The following MEN1 variants were observed in gnomAD, a reference collection of about 807,000 sequenced individuals.
MEN1 encodes menin 1, also known as menin.
A neutral mutation model predicts 58.0 loss-of-function variants in MEN1; 6 were observed. The observed-to-expected ratio is 0.10, with a 90% CI of 0.06 to 0.20. The LOEUF is 0.20. MEN1 is among the 10% of genes least tolerant of loss of function. The pLI, the probability that MEN1 is intolerant of heterozygous loss-of-function variation, is 1.00. For synonymous variants in MEN1, 346 were observed against 350.7 expected (o/e 0.99, Z 0.15); for missense variants, 492 against 818.5 (o/e 0.60, Z 4.87).
At position 64,810,151 on chromosome 11, in the gene MEN1, G is replaced by GT; in HGVS notation, c.-23-20_-23-19insA. On this transcript the variant is annotated intron_variant, in intron 1 of 9. Transcript: ENST00000450708. ...CGGCGGCCTGCAAGGCAAGCCGGGG[G>GT]AGGGAGGGTCGGGCAGGTTCGGCCG... 1 of 1,063,806 alleles carries GT rather than the reference G, an allele frequency of 9.4e-7. No homozygotes were observed. The highest frequency in any genetic ancestry group is 1.4e-6 in the Non-Finnish European group (1 of 737,132). 65.9% of individuals were successfully genotyped at this position (1,063,806 alleles called of 1,614,324 possible).
rs778299878 is a variant in MEN1, at chr11:64,809,690, G to A, written c.420C>T (p.Ile140=). 2 of 1,614,184 alleles carry A rather than the reference G, an allele frequency of 1.2e-6. No homozygotes were observed. Among genetic ancestry groups the A allele is most frequent in the Non-Finnish European group, 8.5e-7 (1 of 1,180,014 alleles). ...SRSYFKDRAH[I]QSLFSFITGT... ...CTGTGATGAAGCTGAAGAGGGACTG[G>A]ATGTGGGCCCGATCCTTGAAGTAGG... Residue 140 remains isoleucine, a synonymous_variant, in exon 2 of 10, where the codon ATC becomes ATT. Transcript: ENST00000450708.
chr11:64,810,582 C>G (rs1476544790), upstream of MEN1: 1 of 160,910 alleles, frequency 6.2e-6, no homozygotes, highest in East Asian at 1.7e-4. Context: ...ACATGAAGTC[C>G]CGCCCCTAGG....
intron 1 of MEN1, 165 bp from the exon 2 acceptor site, chr11:64,810,297 C>T (rs1942045318): frequency 8.2e-6 from 5 of 607,590 alleles, no homozygotes; most frequent in Non-Finnish European, 1.5e-5. Flanking sequence ...GGTGAGACCC[C>T]TCAGCCGAGA....
In MEN1 at chr11:64,804,297, C is replaced by A; in HGVS notation, c.*37G>T. 6.2e-7 allele frequency: 1 copy of A among 1,613,934 alleles called. No individual in the cohort carries two copies. The highest frequency in any genetic ancestry group is 8.5e-7 in the Non-Finnish European group (1 of 1,179,972). Reference sequence around the variant, plus strand: ...CAGAGTTGGGGGACTAAGGGCGGAGCCTGGGTCCCCACAAGCGGTCCGAAG... The same window carrying A: ...CAGAGTTGGGGGACTAAGGGCGGAGACTGGGTCCCCACAAGCGGTCCGAAG... On this transcript the variant is annotated 3_prime_UTR_variant, in exon 10 of 10. Coordinates refer to ENST00000450708, the MANE Select transcript of MEN1 (RefSeq NM_001370259.2). This position sits in a 1 kb window ranked among gnomAD's most constrained non-coding sequence, Gnocchi z 4.2.
chr11:64,810,753 C>G (rs1448522115), upstream of MEN1: 1 of 152,312 alleles, frequency 6.6e-6, no homozygotes, highest in African/African-American at 2.4e-5. Context: ...CCCTTCCCTT[C>G]AGGCCGACCA....
rs28931612 is a variant in MEN1 at position 64,810,034 on chromosome 11, C to A, written c.76G>T (p.Glu26Ter). The part of the protein sequence containing the change: ...IDDVVRLFAA[E>*]LGREEPDLVL... ...AGGTCCGGCTCCTCTCGGCCCAGCT[C>A]GGCAGCAAACAGGCGCACCACGTCG... The change falls in exon 2 of 10, where the codon GAG (glutamate) becomes TAG (stop). Residue 26 changes from glutamate (E) to a stop codon, truncating the protein, a stop_gained. Coordinates refer to ENST00000450708, the MANE Select transcript of MEN1 (RefSeq NM_001370259.2). LOFTEE classifies it high-confidence loss of function. The A allele has an allele frequency of 6.2e-7, 1 of 1,609,462 alleles. No individual in the cohort carries two copies. The highest frequency in any genetic ancestry group is 8.5e-7 in the Non-Finnish European group (1 of 1,178,106).
At chr11:64,806,931 C>A in intron 6 of MEN1, 80 bp downstream of exon 6, 1 of 1,285,786 alleles carries the variant, frequency 7.8e-7, no homozygotes. Flanking sequence ...ACAAAGTTCT[C>A]TTCTCATCTG....
chr11:64,807,585 G>A lies in MEN1; in HGVS notation c.750C>T (p.His250=). 1 of 1,614,194 alleles carries A rather than the reference G, an allele frequency of 6.2e-7. No individual in the cohort carries two copies. Among genetic ancestry groups the A allele is most frequent in the Non-Finnish European group, 8.5e-7 (1 of 1,180,032 alleles). ...GCTGCAGAAGCTCCAGCGAGTCGGT[G>A]TGCAGGTCAATGGAAGGGTTGATGG... is the stretch of plus-strand genomic sequence containing the variant. ...VCAINPSIDL[H]TDSLELLQLQ... Residue 250 remains histidine, a synonymous_variant, in exon 4 of 10, where the codon CAC becomes CAT. Transcript: ENST00000450708. This position sits in a 1 kb window ranked among gnomAD's most constrained non-coding sequence, Gnocchi z 4.9.
Position 64,804,824 on chromosome 11 carries a change from A to G in MEN1, c.1351-8T>C, listed in dbSNP as rs751932519. The G allele has an allele frequency of 1.9e-6, 3 of 1,596,366 alleles. No homozygotes were observed. The East Asian group carries it at 6.7e-5, about 36-fold the overall frequency. ...GCGCACCTTCTGCCGCACCTGGGCC[A>G]GTGGGGAGAGCAAGGTGAGAGCAAG... On this transcript the variant is annotated splice_polypyrimidine_tract_variant and splice_region_variant and intron_variant, in intron 9 of 9. Coordinates refer to ENST00000450708, the MANE Select transcript of MEN1 (RefSeq NM_001370259.2). This position sits in a 1 kb window ranked among gnomAD's most constrained non-coding sequence, Gnocchi z 4.2.
In MEN1 at chr11:64,807,135, C is replaced by T. The variant is rs2136131326; in HGVS notation, c.825-37G>A. The T allele has an allele frequency of 6.2e-7, 1 of 1,614,026 alleles. No individual in the cohort carries two copies. The highest frequency in any genetic ancestry group is 8.5e-7 in the Non-Finnish European group (1 of 1,179,908). On this transcript the variant is annotated intron_variant, in intron 5 of 9. Coordinates refer to ENST00000450708, the MANE Select transcript of MEN1 (RefSeq NM_001370259.2). The surrounding 1 kb of genome is among the most constrained non-coding windows in gnomAD (Gnocchi z 4.9). ...TCATAATTCAGGCTGCCACCCAGCC[C>T]CCCGGCCTCACCAGGCGCAGCCTGG...
At chr11:64,806,538 C>T (rs549105049) in intron 6 of MEN1, among the ~76,000 whole-genome samples, 170 bp from the exon 7 acceptor site, 2 of 152,186 alleles carry the variant, frequency 1.3e-5, no homozygotes, top group Non-Finnish European at 2.9e-5. Flanking sequence ...TGGTCTCCTC[C>T]CTGGGTCTAC....
At chr11:64,805,960 TG>T (rs934230666) in intron 7 of MEN1, 190 bp from the exon 8 acceptor site, 6 of 677,060 alleles carry the variant, frequency 8.9e-6, no homozygotes, top group Non-Finnish European at 1.5e-5. Context: ...GGGCCGAGGG[TG>T]GAAGTCCCAC....
At chr11:64,810,164 G>GGGGGGGC in intron 1 of MEN1, 32 bp from the exon 2 acceptor site, 1 of 727,302 alleles carries the variant, frequency 1.4e-6, no homozygotes, top group Non-Finnish European at 2.2e-6. Flanking sequence ...GGAGGGTCGG[G>GGGGGGGC]CAGGTTCGGC....
intron 1 of MEN1, 32 bp from the exon 2 acceptor site, chr11:64,810,164 G>GGGC: frequency 1.1e-5 from 8 of 727,294 alleles, no homozygotes; most frequent in Non-Finnish European, 1.1e-5. Flanking sequence ...GGAGGGTCGG[G>GGGC]CAGGTTCGGC....
At position 64,804,903 on chromosome 11, in the gene MEN1, C is replaced by G. The variant is rs954426009; in HGVS notation, c.1351-87G>C. On this transcript the variant is annotated intron_variant, in intron 9 of 9. Transcript: ENST00000450708. This position sits in a 1 kb window ranked among gnomAD's most constrained non-coding sequence, Gnocchi z 4.2. ...ACCCTGCTCTGGCCATCCCATCCCA[C>G]CCAGGGGGTCTCAGTCCCATCGGCA... 2 of 1,596,500 alleles carry G rather than the reference C, an allele frequency of 1.3e-6. No individual in the cohort carries two copies. The highest frequency in any genetic ancestry group is 2.7e-5 in the African/African-American group (2 of 74,894).
Position 64,804,931 on chromosome 11 carries a change from C to A in MEN1, c.1350+103G>T. The stretch of plus-strand genomic sequence containing the variant: ...AGGGGGTCTCAGTCCCATCGGCACC[C>A]AAGGGGATGGGCAGATGCTGCCCCT... On this transcript the variant is annotated intron_variant, in intron 9 of 9. Coordinates refer to ENST00000450708, the MANE Select transcript of MEN1 (RefSeq NM_001370259.2). This position sits in a 1 kb window ranked among gnomAD's most constrained non-coding sequence, Gnocchi z 4.2. 2.5e-6 allele frequency: 4 copies of A among 1,598,272 alleles called. No homozygotes were observed. The highest frequency in any genetic ancestry group is 2.2e-5 in the South Asian group (2 of 90,836).
At chr11:64,806,744 G>A (rs924804142) in intron 6 of MEN1, among the ~76,000 whole-genome samples, 2 of 152,036 alleles carry the variant, frequency 1.3e-5, no homozygotes, top group East Asian at 3.9e-4. Context: ...TTTGACCTCT[G>A]TTATACTCCA....
At chr11:64,805,839 G>A in intron 7 of MEN1, 69 bp from the exon 8 acceptor site, 2 of 1,565,450 alleles carry the variant, frequency 1.3e-6, no homozygotes, top group South Asian at 2.2e-5. Context: ...CCAGGGACCT[G>A]GCGGGGGATG....
rs1182898331 is a variant in MEN1, at chr11:64,804,762, C to G, written c.1405G>C (p.Glu469Gln). 1 of 1,596,786 alleles carries G rather than the reference C, an allele frequency of 6.3e-7. No homozygotes were observed. Among genetic ancestry groups the G allele is most frequent in the Non-Finnish European group, 8.5e-7 (1 of 1,178,748 alleles). The change falls in exon 10 of 10, where the codon GAG becomes CAG. Residue 469 changes from glutamate to glutamine, a missense_variant. By Grantham distance (29) the Glu-to-Gln change is conservative (BLOSUM62 2). Transcript: ENST00000450708. The surrounding 1 kb of genome is among the most constrained non-coding windows in gnomAD (Gnocchi z 4.2). ...TCCCGGGCTTCCTCGCCCCACGGCT[C>G]CTCGGCCTCGGCCGCCTCGGCCTCT... ...SREAEAAEAE[E>Q]PWGEEAREGR...
Sources: allele counts gnomAD v4.1 joint callset (sites outside exome capture counted in the v4.1 genomes callset), GRCh38; gene constraint gnomAD v4.1.1; non-coding constraint Gnocchi (gnomAD v3.1); transcripts MANE v1.5; gene names NCBI Gene and HGNC (gene_info 2026-07-23, HGNC 2026-07-21).